Variants in ZNF736 observed in about 807,000 individuals in gnomAD.
The protein encoded by ZNF736 is KRAB-containing zinc-finger repressor protein.
ZNF736 carries 6 observed loss-of-function variants against 11.7 expected under a neutral mutation model. The observed-to-expected ratio is 0.51, with a 90% CI of 0.28 to 1.01. The LOEUF (loss-of-function observed/expected upper bound fraction) is 1.01, where lower values mean the gene tolerates loss of function less well. Ranked by LOEUF, ZNF736 falls within the 50% of genes least tolerant of loss-of-function variation. The pLI is 0.09. For synonymous variants in ZNF736, 139 were observed against 164.7 expected (o/e 0.84, Z 1.19); for missense variants, 444 against 496.0 (o/e 0.90, Z 1.00).
chr7:64,326,920 C>T (rs74452683), intron 1 of ZNF736, among the ~76,000 whole-genome samples: 3 of 151,996 alleles, frequency 2.0e-5, no homozygotes, highest in African/African-American at 7.2e-5. Context: ...TTGATATAAT[C>T]TTATTTGGGG....
intron 3 of ZNF736, among the ~76,000 whole-genome samples, chr7:64,346,559 C>G (rs969860663): frequency 2.6e-5 from 4 of 151,682 alleles, no homozygotes; most frequent in African/African-American, 9.7e-5. Context: ...TACTCGTAAT[C>G]TTGCAGAAGC....
intron 3 of ZNF736, 93 bp downstream of exon 3, chr7:64,337,075 C>G: frequency 2.9e-6 from 3 of 1,045,526 alleles, no homozygotes; most frequent in Non-Finnish European, 4.2e-6. Flanking sequence ...AGAAGCTCTG[C>G]TCCAGTGGAA....
At chr7:64,342,639 T>C (rs1363903438) in intron 3 of ZNF736, among the ~76,000 whole-genome samples, 2 of 152,118 alleles carry the variant, frequency 1.3e-5, no homozygotes, top group Non-Finnish European at 2.9e-5. Flanking sequence ...GTGTCTTATA[T>C]ATATGTTTTT....
At chr7:64,347,830 G>T (rs1227856677) in intron 3 of ZNF736, among the ~76,000 whole-genome samples, 1 of 152,140 alleles carries the variant, frequency 6.6e-6, no homozygotes, top group East Asian at 1.9e-4. Context: ...GCTGTGGTGG[G>T]TAAATATGAA....
chr7:64,346,482 T>G (rs1249846788), intron 3 of ZNF736, among the ~76,000 whole-genome samples: 2 of 152,092 alleles, frequency 1.3e-5, no homozygotes, highest in Non-Finnish European at 2.9e-5. Flanking sequence ...TAGACTTTTT[T>G]TTTTTCCAGT....
chr7:64,314,241 C>T (rs976326244), intron 1 of ZNF736, 88 bp downstream of exon 1: 1 of 1,510,042 alleles, frequency 6.6e-7, no homozygotes, highest in African/African-American at 1.4e-5. Context: ...TGGGCCTTCT[C>T]GCGGTCTGCT....
chr7:64,313,981 G>C lies in ZNF736; in HGVS notation c.-170G>C. ...AAGAGGCGGCCTCTTCAATATGGCG[G>C]GGCCTTTGTCTCCTAGCTTCCGGGC... On this transcript the variant is annotated 5_prime_UTR_variant, in exon 1 of 4. Transcript: ENST00000423484. The C allele has an allele frequency of 1.2e-6, 1 of 834,468 alleles. No homozygotes were observed. Among genetic ancestry groups the C allele is most frequent in the Non-Finnish European group, 1.9e-6 (1 of 523,568 alleles). The allele number at this position is 834,468 out of a possible 1,614,324, so 51.7% of individuals were successfully genotyped here.
At chr7:64,321,630 A>G (rs1267944901) in intron 1 of ZNF736, among the ~76,000 whole-genome samples, 2 of 152,184 alleles carry the variant, frequency 1.3e-5, no homozygotes, top group Non-Finnish European at 2.9e-5. Context: ...TCTTGACCTC[A>G]TGAAATAGTA....
Position 64,336,919 on chromosome 7 carries a change from T to C in ZNF736, c.163T>C (p.Cys55Arg). The C allele has an allele frequency of 6.2e-7, 1 of 1,603,302 alleles. No homozygotes were observed. Among genetic ancestry groups the C allele is most frequent in the Non-Finnish European group, 8.5e-7 (1 of 1,174,626 alleles). Residue 55 changes from cysteine to arginine, a missense_variant, in exon 3 of 4, where the codon TGT (cysteine) becomes CGT (arginine). By Grantham distance (180) the Cys-to-Arg change is radical. Coordinates refer to ENST00000423484, the MANE Select transcript of ZNF736 (RefSeq NM_001170905.3). ...TATCTTTAAGCCAGACTTGATGACCTGTCTGGAGCAAAGAAAAGAGCCTTG... is the reference window on the plus strand; with the variant it reads ...TATCTTTAAGCCAGACTTGATGACCCGTCTGGAGCAAAGAAAAGAGCCTTG... Reference protein sequence around the residue: ...LAIFKPDLMTCLEQRKEPWKV... With the variant: ...LAIFKPDLMTRLEQRKEPWKV...
rs917899632 is a variant in ZNF736, at chr7:64,353,917, T to C, written c.*4770T>C. On this transcript the variant is annotated 3_prime_UTR_variant, in exon 4 of 4. Transcript: ENST00000423484. Reference sequence around the variant, plus strand: ...TTTTAATAAACCAAAATTATTGTTATTGTGTTAAGGCTATTTTACATTGAA... The same window carrying C: ...TTTTAATAAACCAAAATTATTGTTACTGTGTTAAGGCTATTTTACATTGAA... The C allele has an allele frequency of 6.6e-6, 1 of 152,220 alleles. No homozygotes were observed. Among genetic ancestry groups the C allele is most frequent in the African/African-American group, 2.4e-5 (1 of 41,452 alleles). The allele number at this position is 152,220 out of a possible 1,614,324, so 9.4% of individuals were successfully genotyped here. A position where few individuals can be genotyped will look rare whatever the true frequency, so the allele number is the denominator to read the frequency against.
intron 1 of ZNF736, among the ~76,000 whole-genome samples, chr7:64,326,578 T>C (rs1468350430): frequency 6.6e-6 from 1 of 152,182 alleles, no homozygotes; most frequent in Non-Finnish European, 1.5e-5. Flanking sequence ...CTGCTATAGT[T>C]TTTATTTTTT....
intron 3 of ZNF736, among the ~76,000 whole-genome samples, chr7:64,342,455 G>A (rs1789352991): frequency 6.6e-6 from 1 of 152,020 alleles, no homozygotes; most frequent in African/African-American, 2.4e-5. Flanking sequence ...CTCTACTGTG[G>A]AATAGTTGAT....
At chr7:64,337,746 G>GTTTTTTTTTTTTTTT in intron 3 of ZNF736, among the ~76,000 whole-genome samples, 1 of 79,362 alleles carries the variant, frequency 1.3e-5, no homozygotes, top group Non-Finnish European at 2.8e-5. Context: ...GTTTTGTTTT[G>GTTTTTTTTTTTTTTT]TTTTTTTTGG....
chr7:64,341,502 A>C (rs1203584176), intron 3 of ZNF736, among the ~76,000 whole-genome samples: 1 of 151,936 alleles, frequency 6.6e-6, no homozygotes, highest in Non-Finnish European at 1.5e-5. Flanking sequence ...AGTTAAAGAG[A>C]TTTTTTCCTC....
chr7:64,327,077 A>C (rs1333607071), intron 1 of ZNF736, among the ~76,000 whole-genome samples: 1 of 152,208 alleles, frequency 6.6e-6, no homozygotes, highest in Non-Finnish European at 1.5e-5. Context: ...TTCATAGTGC[A>C]GATTAAGTTC....
At chr7:64,319,561 T>A (rs1421549104) in intron 1 of ZNF736, among the ~76,000 whole-genome samples, 4 of 132,020 alleles carry the variant, frequency 3.0e-5, no homozygotes, top group Admixed American at 2.7e-4. Context: ...AGTCGAGCGG[T>A]CTTGGCTCAC....
chr7:64,327,914 T>C (rs1456049172), intron 1 of ZNF736, among the ~76,000 whole-genome samples: 1 of 152,176 alleles, frequency 6.6e-6, no homozygotes, highest in Non-Finnish European at 1.5e-5. Flanking sequence ...CTTAAACTTG[T>C]TGTGGTTAGT....
At chr7:64,339,410 A>G (rs1434385287) in intron 3 of ZNF736, among the ~76,000 whole-genome samples, 2 of 152,182 alleles carry the variant, frequency 1.3e-5, no homozygotes, top group African/African-American at 4.8e-5. Context: ...GATTATTAAG[A>G]ATTTATGTCA....
intron 3 of ZNF736, among the ~76,000 whole-genome samples, chr7:64,345,149 G>A (rs867918060): frequency 1.9e-4 from 29 of 151,470 alleles, no homozygotes; most frequent in Non-Finnish European, 1.5e-4. Flanking sequence ...GACGCCTCCA[G>A]AGTAGCTGGG....
Sources: gnomAD v4.1 joint callset for allele counts (sites outside exome capture counted in the v4.1 genomes callset) on GRCh38, gnomAD v4.1.1 for gene constraint, MANE v1.5 for transcripts, NCBI Gene and HGNC (gene_info 2026-07-23, HGNC 2026-07-21) for gene names.